RBFOX1: variants seen among roughly 807,000 people sequenced by gnomAD.
RBFOX1 encodes the protein RNA binding protein fox-1 homolog 1.
A neutral mutation model predicts 57.7 loss-of-function variants in RBFOX1; 8 were observed. That is an observed-to-expected ratio of 0.14 (90% confidence interval 0.08 to 0.25). RBFOX1 has a LOEUF of 0.25. Among genes scored for constraint, RBFOX1 ranks in the 10% least tolerant of loss-of-function variants. RBFOX1 has a pLI of 1.00. For missense variants in RBFOX1, 611 were observed against 548.5 expected (o/e 1.11, Z -1.14); for synonymous variants, 326 against 222.4 (o/e 1.47, Z -4.15).
intron 1 of RBFOX1, among the ~76,000 whole-genome samples, chr16:5,397,334 G>A (rs1361975528): frequency 6.6e-6 from 1 of 152,184 alleles, no homozygotes; most frequent in Non-Finnish European, 1.5e-5. Flanking sequence ...GAAAAGCTCT[G>A]GATGGTCTTG....
intron 12 of RBFOX1, among the ~76,000 whole-genome samples, chr16:7,659,400 A>C (rs1287462322): frequency 6.6e-6 from 1 of 152,140 alleles, no homozygotes; most frequent in African/African-American, 2.4e-5. Flanking sequence ...TAAATCCGCA[A>C]CCTGTAGTAT....
chr16:7,562,469 G>C (rs1252380157), intron 5 of RBFOX1, among the ~76,000 whole-genome samples: 1 of 152,130 alleles, frequency 6.6e-6, no homozygotes. Flanking sequence ...ATTGGCAACA[G>C]CCTTGAAGAC....
chr16:7,016,903 AC>A (rs1248303039), intron 3 of RBFOX1, among the ~76,000 whole-genome samples: 1 of 152,088 alleles, frequency 6.6e-6, no homozygotes, highest in African/African-American at 2.4e-5. Context: ...CTGTGTACCA[AC>A]CTTGAAATCC....
chr16:5,679,786 C>T (rs902022933), intron 3 of RBFOX1, among the ~76,000 whole-genome samples: 2 of 152,190 alleles, frequency 1.3e-5, no homozygotes, highest in Non-Finnish European at 2.9e-5. Context: ...TTCTGGGTGA[C>T]ATTGCATAAG....
chr16:7,565,541 C>T (rs1355772042), intron 5 of RBFOX1, among the ~76,000 whole-genome samples: 1 of 152,088 alleles, frequency 6.6e-6, no homozygotes, highest in Non-Finnish European at 1.5e-5. Context: ...CACTCGGCGC[C>T]CAGCATTACT....
At chr16:7,478,682 A>C (rs1045200296) in intron 4 of RBFOX1, among the ~76,000 whole-genome samples, 3 of 152,134 alleles carry the variant, frequency 2.0e-5, no homozygotes, top group African/African-American at 7.2e-5. Flanking sequence ...TGCAACAAAA[A>C]CCTCAACCTC....
intron 14 of RBFOX1, among the ~76,000 whole-genome samples, chr16:7,701,646 C>T (rs1019784390): frequency 6.6e-6 from 1 of 152,168 alleles, no homozygotes; most frequent in Admixed American, 6.5e-5. Context: ...ACTTCAGTAT[C>T]TTGAGAAGCT....
chr16:5,882,326 A>T (rs1488833512), intron 4 of RBFOX1, among the ~76,000 whole-genome samples: 2 of 152,124 alleles, frequency 1.3e-5, no homozygotes, highest in East Asian at 1.9e-4. Flanking sequence ...GCTTCATTCA[A>T]CTCAAAGATG....
At chr16:5,797,660 A>C (rs2054922808) in intron 3 of RBFOX1, among the ~76,000 whole-genome samples, 1 of 152,228 alleles carries the variant, frequency 6.6e-6, no homozygotes, top group Non-Finnish European at 1.5e-5. Context: ...CCCATCTTCA[A>C]ATATTTTGTT....
At chr16:6,457,514 C>T (rs2094807261) in intron 2 of RBFOX1, among the ~76,000 whole-genome samples, 1 of 148,440 alleles carries the variant, frequency 6.7e-6, no homozygotes, top group East Asian at 2.0e-4. Flanking sequence ...TTACTGACTA[C>T]CGTTCCAGGC....
intron 3 of RBFOX1, among the ~76,000 whole-genome samples, chr16:6,778,238 T>A (rs908426954): frequency 2.0e-5 from 3 of 152,150 alleles, no homozygotes; most frequent in Non-Finnish European, 2.9e-5. Context: ...AACATTAATT[T>A]CATCCCAAGA....
intron 5 of RBFOX1, among the ~76,000 whole-genome samples, chr16:7,518,950 G>C (rs967383628): frequency 3.9e-5 from 6 of 152,204 alleles, no homozygotes; most frequent in African/African-American, 1.4e-4. Flanking sequence ...TTGGGGCCAG[G>C]AGTTTGAGGC....
At chr16:7,580,611 A>G (rs1480439678) in intron 6 of RBFOX1, among the ~76,000 whole-genome samples, 1 of 152,208 alleles carries the variant, frequency 6.6e-6, no homozygotes, top group Non-Finnish European at 1.5e-5. Flanking sequence ...AGCAGGCCAC[A>G]AGTCACCACT....
chr16:6,278,172 A>G (rs753651247), intron 1 of RBFOX1, among the ~76,000 whole-genome samples: 5 of 152,108 alleles, frequency 3.3e-5, no homozygotes, highest in Non-Finnish European at 7.4e-5. Context: ...GTAAATGTGC[A>G]GGCAGGTACT....
chr16:5,835,699 C>T (rs982464493), intron 3 of RBFOX1, among the ~76,000 whole-genome samples: 7 of 152,204 alleles, frequency 4.6e-5, no homozygotes, highest in African/African-American at 1.7e-4. Flanking sequence ...TCTCATCTGC[C>T]ACCCCCATAA....
chr16:6,563,983 G>C (rs2097220492), intron 2 of RBFOX1, among the ~76,000 whole-genome samples: 1 of 151,942 alleles, frequency 6.6e-6, no homozygotes, highest in Non-Finnish European at 1.5e-5. Context: ...GAGATTTGGA[G>C]GGGACAGACA....
At chr16:7,480,010 T>C (rs1336923009) in intron 4 of RBFOX1, among the ~76,000 whole-genome samples, 2 of 152,196 alleles carry the variant, frequency 1.3e-5, no homozygotes, top group African/African-American at 4.8e-5. Context: ...AGTTCCAGCC[T>C]GATGTTCCCC....
intron 3 of RBFOX1, among the ~76,000 whole-genome samples, chr16:6,856,140 C>A (rs922257591): frequency 6.6e-6 from 1 of 152,182 alleles, no homozygotes; most frequent in East Asian, 1.9e-4. Context: ...CCTTTACCTT[C>A]CCTTCCCTTT....
intron 2 of RBFOX1, among the ~76,000 whole-genome samples, chr16:6,518,273 GA>G (rs1175661410): frequency 1.3e-5 from 2 of 152,110 alleles, no homozygotes; most frequent in Admixed American, 1.3e-4. Context: ...CATTAGTTAA[GA>G]AAAGTTTTCA....
Sources: allele counts gnomAD v4.1 joint callset (sites outside exome capture counted in the v4.1 genomes callset), GRCh38; gene constraint gnomAD v4.1.1; transcripts MANE v1.5; gene names NCBI Gene and HGNC (gene_info 2026-07-23, HGNC 2026-07-21).